The following SLC25A23 variants were observed in gnomAD, a reference collection of about 807,000 sequenced individuals.
SLC25A23 encodes the protein mitochondrial adenyl nucleotide antiporter SLC25A23.
Under a neutral mutation model 53.9 loss-of-function variants are expected in SLC25A23, and 32 were observed. That is an observed-to-expected ratio of 0.59 (90% CI 0.45 to 0.80). The LOEUF (loss-of-function observed/expected upper bound fraction) is 0.80. Among genes scored for constraint, SLC25A23 ranks in the 30% least tolerant of loss-of-function variants. SLC25A23 has a pLI of 0.00. For synonymous variants in SLC25A23, 275 were observed against 264.5 expected (o/e 1.04, Z -0.38); for missense variants, 575 against 651.4 (o/e 0.88, Z 1.28).
At chr19:6,457,333 C>T (rs2092695906) in intron 3 of SLC25A23, among the ~76,000 whole-genome samples, 170 bp downstream of exon 3, 2 of 152,110 alleles carry the variant, frequency 1.3e-5, no homozygotes, top group African/African-American at 2.4e-5. Flanking sequence ...TCCCAAAGTG[C>T]TGGGGTTACA....
Position 6,456,452 on chromosome 19 carries a change from C to A in SLC25A23, c.451G>T (p.Glu151Ter). Residue 151 changes from glutamate (E) to a stop codon, truncating the protein, a stop_gained, in exon 4 of 10, where the codon GAG becomes TAG. Transcript: ENST00000301454. LOFTEE classifies it high-confidence loss of function. ...HFLLHSLENV[E>*]DVLYFWKHST... ...TGCTTCCAGAAATACAGCACGTCCTCCACATTTTCCAGCGAATGCAACAGG... is the reference window on the plus strand; with the variant it reads ...TGCTTCCAGAAATACAGCACGTCCTACACATTTTCCAGCGAATGCAACAGG... The A allele has an allele frequency of 6.2e-7, 1 of 1,614,074 alleles. No individual in the cohort carries two copies. Among genetic ancestry groups the A allele is most frequent in the Non-Finnish European group, 8.5e-7 (1 of 1,180,028 alleles).
rs745876819 is a variant in SLC25A23, at chr19:6,442,068, G to A, written c.1314C>T (p.Ile438=). The part of the protein sequence containing the change: ...QEGMRGLYRG[I]APNFMKVIPA... ...GAATAACCTTCATGAAGTTGGGGGC[G>A]ATCCCCCGGTAGAGGCCCCGCATGC... Residue 438 remains isoleucine (I), a synonymous_variant, in exon 10 of 10, where the codon ATC becomes ATT. Transcript: ENST00000301454. 9.9e-6 allele frequency: 16 copies of A among 1,612,760 alleles called. No individual in the cohort carries two copies. Among genetic ancestry groups the A allele is most frequent in the South Asian group, 4.4e-5 (4 of 90,968 alleles).
Position 6,442,179 on chromosome 19 carries a change from G to GGGGGGGGGGGGGC in SLC25A23, c.1223-21_1223-20insGCCCCCCCCCCCC. On this transcript the variant is annotated intron_variant, in intron 9 of 9. Coordinates refer to ENST00000301454, the MANE Select transcript of SLC25A23 (RefSeq NM_024103.3). ...TGGAGGCTGGGAGGGGGCGGGGGGG[G>GGGGGGGGGGGGGC]CACCAGGTAAGGCCAACGTTCCCCT... 1 of 1,456,842 alleles carries GGGGGGGGGGGGGC rather than the reference G, an allele frequency of 6.9e-7. No homozygotes were observed. Among genetic ancestry groups the GGGGGGGGGGGGGC allele is most frequent in the African/African-American group, 1.5e-5 (1 of 65,856 alleles). 90.2% of individuals were successfully genotyped at this position (1,456,842 alleles called of 1,614,324 possible).
At chr19:6,451,139 A>T (rs1018230005) in intron 8 of SLC25A23, among the ~76,000 whole-genome samples, 1 of 150,766 alleles carries the variant, frequency 6.6e-6, no homozygotes, top group African/African-American at 2.4e-5. Context: ...CCTGTAATCC[A>T]GCACTTTGGG....
intron 8 of SLC25A23, among the ~76,000 whole-genome samples, chr19:6,449,109 T>C (rs941778180): frequency 1.3e-5 from 2 of 152,124 alleles, no homozygotes; most frequent in Non-Finnish European, 1.5e-5. Flanking sequence ...ATCACTTTAC[T>C]GAGAGACTTC....
chr19:6,455,707 GTTTT>G (rs529957147), intron 4 of SLC25A23, among the ~76,000 whole-genome samples: 2 of 124,968 alleles, frequency 1.6e-5, no homozygotes, highest in African/African-American at 3.1e-5. Context: ...TGAAGACCGT[GTTTT>G]TTTTTTTTTT....
At chr19:6,443,717 T>C in intron 9 of SLC25A23, 1 of 678,168 alleles carries the variant, frequency 1.5e-6, no homozygotes, top group South Asian at 1.6e-5. Context: ...CAAAACAGAT[T>C]CAGGGAGAAT....
At chr19:6,457,693 G>A in intron 2 of SLC25A23, 103 bp from the exon 3 acceptor site, 1 of 995,900 alleles carries the variant, frequency 1.0e-6, no homozygotes, top group Admixed American at 2.1e-5. Context: ...GGTCTAGCAA[G>A]ATCAGGGGCT....
At position 6,459,463 on chromosome 19, in the gene SLC25A23, G is replaced by T. The variant is rs927044873; in HGVS notation, c.156+10C>A. The T allele has an allele frequency of 1.3e-6, 2 of 1,583,014 alleles. No individual in the cohort carries two copies. Among genetic ancestry groups the T allele is most frequent in the Non-Finnish European group, 1.7e-6 (2 of 1,172,006 alleles). On this transcript the variant is annotated intron_variant, in intron 1 of 9. Transcript: ENST00000301454. The surrounding 1 kb of genome is among the most constrained non-coding windows in gnomAD (Gnocchi z 4.6). ...CCGGGAGGGGAGGAGGTCCCTGGGG[G>T]TGGGGGTACCTGTTGGGCGCCGGGG...
At chr19:6,438,753 G>A (rs1338753639), downstream of SLC25A23, 1 of 322,202 alleles carries the variant, frequency 3.1e-6, no homozygotes, top group Non-Finnish European at 6.7e-6. Flanking sequence ...GGAGGCTGAG[G>A]CAGGAGAATC....
chr19:6,455,060 G>GGGA (rs1287309897), intron 4 of SLC25A23, among the ~76,000 whole-genome samples: 2 of 152,116 alleles, frequency 1.3e-5, no homozygotes, highest in Non-Finnish European at 2.9e-5. Flanking sequence ...AGGCCCAAGT[G>GGGA]GGAGAATCCC....
Position 6,454,089 on chromosome 19 carries a change from C to T in SLC25A23, c.796-1G>A. ...GCTGCCCCAGGATGGCCCTCTTGAT[C>T]TGAGGCGGGGAGACACAGGGATGGG... On this transcript the variant is annotated splice_acceptor_variant, in intron 6 of 9. Transcript: ENST00000301454. LOFTEE classifies it high-confidence loss of function. The surrounding 1 kb of genome is among the most constrained non-coding windows in gnomAD (Gnocchi z 4.3). 6.2e-7 allele frequency: 1 copy of T among 1,611,792 alleles called. No individual in the cohort carries two copies. Among genetic ancestry groups the T allele is most frequent in the Non-Finnish European group, 8.5e-7 (1 of 1,178,998 alleles).
chr19:6,448,663 G>T (rs1034460572), intron 8 of SLC25A23, among the ~76,000 whole-genome samples: 1 of 151,574 alleles, frequency 6.6e-6, no homozygotes, highest in African/African-American at 2.4e-5. Context: ...TAGAAATGGG[G>T]TTTCACCATG....
chr19:6,447,019 G>C (rs1163545881), intron 8 of SLC25A23, among the ~76,000 whole-genome samples: 1 of 146,864 alleles, frequency 6.8e-6, no homozygotes, highest in Non-Finnish European at 1.5e-5. Flanking sequence ...AGCAGAAACT[G>C]AAAGAAGGAA....
chr19:6,453,739 A>G (rs2092628993), intron 7 of SLC25A23, among the ~76,000 whole-genome samples: 1 of 152,200 alleles, frequency 6.6e-6, no homozygotes, highest in Non-Finnish European at 1.5e-5. Flanking sequence ...ATTTATAAAC[A>G]GCTGGCTCCT....
At chr19:6,436,881 C>T (rs112912665), downstream of SLC25A23, among the ~76,000 whole-genome samples, 5,654 of 150,352 alleles carry the variant, frequency 0.038, 220 homozygotes, top group African/African-American at 0.097. Flanking sequence ...TGGAGTCTTG[C>T]TCTGTTACCC....
chr19:6,444,537 T>G (rs147252865), intron 8 of SLC25A23, among the ~76,000 whole-genome samples: 1 of 152,170 alleles, frequency 6.6e-6, no homozygotes, highest in East Asian at 1.9e-4. Flanking sequence ...CTCTGGAACC[T>G]CTGCATATGT....
intron 8 of SLC25A23, among the ~76,000 whole-genome samples, chr19:6,448,625 C>G (rs2092541761): frequency 6.6e-6 from 1 of 151,880 alleles, no homozygotes; most frequent in Non-Finnish European, 1.5e-5. Flanking sequence ...TGCCCACCAC[C>G]ACGCCCAGCT....
At chr19:6,456,259 G>A in intron 4 of SLC25A23, 161 bp downstream of exon 4, 1 of 942,670 alleles carries the variant, frequency 1.1e-6, no homozygotes, top group Non-Finnish European at 1.6e-6. Context: ...AACCCTAAGT[G>A]GAGGAAGAGA....
Sources: allele counts gnomAD v4.1 joint callset (sites outside exome capture counted in the v4.1 genomes callset), GRCh38; gene constraint gnomAD v4.1.1; non-coding constraint Gnocchi (gnomAD v3.1); transcripts MANE v1.5; gene names NCBI Gene and HGNC (gene_info 2026-07-23, HGNC 2026-07-21).